Variants in MYRIP observed in about 807,000 individuals in gnomAD.
MYRIP encodes the protein rab effector MyRIP.
In MYRIP, 49 loss-of-function variants were observed where a neutral mutation model predicts 98.0. The ratio of observed to expected loss-of-function variants is 0.50; its 90% confidence interval spans 0.40 to 0.63. The LOEUF (loss-of-function observed/expected upper bound fraction) is 0.63, where lower values mean the gene tolerates loss of function less well. Ranked by LOEUF, MYRIP falls within the 30% of genes least tolerant of loss-of-function variation. The probability of loss-of-function intolerance (pLI) is 0.00; values close to 1 mark genes in which losing one functional copy is unlikely to be tolerated. For missense variants in MYRIP, 1,004 were observed against 1,058.2 expected (o/e 0.95, Z 0.71); for synonymous variants, 404 against 409.5 (o/e 0.99, Z 0.16).
intron 1 of MYRIP, among the ~76,000 whole-genome samples, chr3:39,896,327 CT>C (rs1943610463): frequency 6.6e-6 from 1 of 152,200 alleles, no homozygotes. Context: ...GGGCCCACCC[CT>C]GTGCATCGGT....
At chr3:40,155,201 C>A (rs1950203038) in intron 4 of MYRIP, among the ~76,000 whole-genome samples, 1 of 144,490 alleles carries the variant, frequency 6.9e-6, no homozygotes. Flanking sequence ...TCCATGTGTT[C>A]TCATTGTTCA....
intron 11 of MYRIP, among the ~76,000 whole-genome samples, chr3:40,218,766 G>A (rs7429413): frequency 0.91 from 137,987 of 150,946 alleles, 63,326 homozygotes; most frequent in Non-Finnish European, 0.95. Context: ...GAATAAGTGC[G>A]GAAACATATT....
intron 8 of MYRIP, 69 bp from the exon 9 acceptor site, chr3:40,182,151 A>AGTGCCTGGG: frequency 6.9e-7 from 1 of 1,448,440 alleles, no homozygotes; most frequent in Non-Finnish European, 9.2e-7. Context: ...CTGCCCCCAA[A>AGTGCCTGGG]AGGTGAAGGC....
chr3:39,905,191 A>T (rs577255983), intron 2 of MYRIP, among the ~76,000 whole-genome samples: 130 of 152,310 alleles, frequency 8.5e-4, no homozygotes, highest in African/African-American at 3.1e-3. Context: ...TTTTTATCAG[A>T]TGATTTCAGG....
At chr3:39,888,738 A>G (rs1415751049) in intron 1 of MYRIP, among the ~76,000 whole-genome samples, 16 of 152,224 alleles carry the variant, frequency 1.1e-4, no homozygotes, top group Admixed American at 1.0e-3. Context: ...CAGAGTGAAC[A>G]GGCAACCTAC....
At chr3:40,109,362 C>T (rs761859959) in intron 3 of MYRIP, among the ~76,000 whole-genome samples, 5 of 152,088 alleles carry the variant, frequency 3.3e-5, no homozygotes, top group Non-Finnish European at 5.9e-5. Flanking sequence ...GAGACTTAGT[C>T]GAGTTCATGC....
At chr3:39,887,467 A>G (rs1463706521) in intron 1 of MYRIP, among the ~76,000 whole-genome samples, 2 of 152,130 alleles carry the variant, frequency 1.3e-5, no homozygotes, top group African/African-American at 4.8e-5. Flanking sequence ...GCCTTTGACA[A>G]AATTCAACAA....
At chr3:40,125,633 T>G (rs924574100) in intron 3 of MYRIP, among the ~76,000 whole-genome samples, 1 of 152,178 alleles carries the variant, frequency 6.6e-6, no homozygotes, top group African/African-American at 2.4e-5. Flanking sequence ...CTATGTGACC[T>G]TGGTCATCTT....
intron 2 of MYRIP, among the ~76,000 whole-genome samples, chr3:39,929,745 A>G (rs1411020999): frequency 6.6e-6 from 1 of 151,918 alleles, no homozygotes; most frequent in Admixed American, 6.6e-5. Flanking sequence ...CATTCTCTCA[A>G]CCTCTAGCAA....
intron 1 of MYRIP, among the ~76,000 whole-genome samples, chr3:39,869,964 G>A (rs902553456): frequency 6.6e-6 from 1 of 152,170 alleles, no homozygotes; most frequent in Non-Finnish European, 1.5e-5. Context: ...GGTCAGGGAA[G>A]TTTTTTAGTG....
At chr3:39,937,653 G>C (rs140530559) in intron 2 of MYRIP, among the ~76,000 whole-genome samples, 60 of 152,344 alleles carry the variant, frequency 3.9e-4, no homozygotes, top group Non-Finnish European at 7.5e-4. Context: ...GAGCTACAAA[G>C]TGACCAGAGG....
chr3:40,151,334 C>A (rs1469547838), intron 4 of MYRIP, 150 bp downstream of exon 4: 2 of 846,878 alleles, frequency 2.4e-6, no homozygotes, highest in Non-Finnish European at 1.7e-6. Flanking sequence ...AATAGAAGGA[C>A]GGATGCCAGA....
intron 1 of MYRIP, among the ~76,000 whole-genome samples, chr3:39,886,134 A>G (rs1343014629): frequency 1.3e-5 from 2 of 151,872 alleles, no homozygotes; most frequent in Non-Finnish European, 2.9e-5. Context: ...AGACAAGCAA[A>G]TGCTGAGAGA....
chr3:40,139,733 C>T (rs1949855073), intron 3 of MYRIP, among the ~76,000 whole-genome samples: 1 of 152,080 alleles, frequency 6.6e-6, no homozygotes, highest in African/African-American at 2.4e-5. Flanking sequence ...GCACATGCTA[C>T]CACACCCAGT....
intron 8 of MYRIP, among the ~76,000 whole-genome samples, chr3:40,179,158 G>C (rs76267024): frequency 1.3e-5 from 2 of 152,148 alleles, no homozygotes; most frequent in African/African-American, 4.8e-5. Flanking sequence ...TCTGCTGGGC[G>C]TGTGTTGCTT....
At chr3:40,234,566 G>A (rs949343575) in intron 12 of MYRIP, among the ~76,000 whole-genome samples, 1 of 152,200 alleles carries the variant, frequency 6.6e-6, no homozygotes, top group African/African-American at 2.4e-5. Flanking sequence ...AGGGAGAGGA[G>A]TATAGAGAAA....
chr3:40,021,698 G>T (rs59312359), intron 2 of MYRIP, among the ~76,000 whole-genome samples: 12,997 of 152,252 alleles, frequency 0.085, 887 homozygotes, highest in African/African-American at 0.18. Context: ...TGTGATACAG[G>T]TTTTGACCAA....
intron 2 of MYRIP, among the ~76,000 whole-genome samples, chr3:40,034,871 C>T (rs1172614913): frequency 6.6e-6 from 1 of 151,746 alleles, no homozygotes; most frequent in African/African-American, 2.4e-5. Flanking sequence ...GGCACATATA[C>T]ACCATGGAAT....
intron 3 of MYRIP, among the ~76,000 whole-genome samples, chr3:40,079,285 G>A (rs1948423884): frequency 6.6e-6 from 1 of 152,186 alleles, no homozygotes; most frequent in Non-Finnish European, 1.5e-5. Context: ...GGGCAACTGG[G>A]CTATGTGGTA....
Sources: allele counts gnomAD v4.1 joint callset (sites outside exome capture counted in the v4.1 genomes callset), GRCh38; gene constraint gnomAD v4.1.1; transcripts MANE v1.5; gene names NCBI Gene and HGNC (gene_info 2026-07-23, HGNC 2026-07-21).